FAXC: variants seen among roughly 807,000 people sequenced by gnomAD.
FAXC encodes the protein failed axon connections homolog, metaxin like GST domain containing, also known as failed axon connections homolog.
Under a neutral mutation model 41.9 loss-of-function variants are expected in FAXC, and 10 were observed. The ratio of observed to expected loss-of-function variants is 0.24; its 90% CI spans 0.15 to 0.41. The LOEUF is 0.41. Among genes scored for constraint, FAXC ranks in the 10% least tolerant of loss-of-function variants. The pLI is 1.00. For synonymous variants in FAXC, 183 were observed against 183.8 expected (o/e 1.00, Z 0.03); for missense variants, 399 against 510.9 (o/e 0.78, Z 2.11).
Position 99,349,409 on chromosome 6 carries a change from C to T in FAXC, c.-37G>A, listed in dbSNP as rs370943189. ...GGCTCCGGGCGCCCCTCCCAGGGCC[C>T]GCGCCGCCCGCATGGGAAGGGGCCG... On this transcript the variant is annotated 5_prime_UTR_variant, in exon 1 of 6. Transcript: ENST00000389677. The T allele has an allele frequency of 1.3e-6, 2 of 1,520,748 alleles. No homozygotes were observed. The highest frequency in any genetic ancestry group is 2.0e-5 in the Admixed American group (1 of 48,800). 94.2% of individuals were successfully genotyped at this position (1,520,748 alleles called of 1,614,324 possible).
At chr6:99,338,456 G>T (rs370725947) in intron 2 of FAXC, among the ~76,000 whole-genome samples, 14 of 152,266 alleles carry the variant, frequency 9.2e-5, no homozygotes, top group African/African-American at 3.1e-4. Flanking sequence ...AGGGCAGAAA[G>T]GAAAGTGCAG....
chr6:99,293,029 A>G (rs1032954518), intron 4 of FAXC, among the ~76,000 whole-genome samples: 1 of 151,246 alleles, frequency 6.6e-6, no homozygotes, highest in African/African-American at 2.4e-5. Flanking sequence ...CTGATCTTGA[A>G]CTCCTGACCT....
At chr6:99,337,384 G>C (rs934420305) in intron 2 of FAXC, among the ~76,000 whole-genome samples, 1 of 152,200 alleles carries the variant, frequency 6.6e-6, no homozygotes, top group Middle Eastern at 3.4e-3. Context: ...CACTTAAAAA[G>C]AATTCTTTTG....
intron 5 of FAXC, among the ~76,000 whole-genome samples, chr6:99,290,236 C>T (rs1352808446): frequency 3.3e-5 from 5 of 151,826 alleles, no homozygotes; most frequent in Non-Finnish European, 2.9e-5. Context: ...GGCTACAACC[C>T]CACACCCACC....
intron 4 of FAXC, among the ~76,000 whole-genome samples, chr6:99,300,606 A>G (rs988562827): frequency 2.6e-5 from 4 of 152,342 alleles, no homozygotes; most frequent in East Asian, 3.8e-4. Context: ...TAAAAATTAT[A>G]TGAGTCTCTC....
rs1412599192 is a variant in FAXC, at chr6:99,271,609, C to T, written c.*9555G>A. 3 of 152,152 alleles carry T rather than the reference C, an allele frequency of 2.0e-5. No individual in the cohort carries two copies. Among genetic ancestry groups the T allele is most frequent in the Non-Finnish European group, 4.4e-5 (3 of 68,010 alleles). 9.4% of individuals were successfully genotyped at this position (152,152 alleles called of 1,614,324 possible). A position where few individuals can be genotyped will look rare whatever the true frequency, so the allele number is the denominator to read the frequency against. ...TTTGGGATACTCAACTGGTATAATG[C>T]AAATATTTCAAAATCTGAGAAAAAC... On this transcript the variant is annotated 3_prime_UTR_variant, in exon 6 of 6. Transcript: ENST00000389677.
rs1582595817 is a variant in FAXC at position 99,272,192 on chromosome 6, T to TGTGTGTGTGTGTGTG, written c.*8971_*8972insCACACACACACACAC. On this transcript the variant is annotated 3_prime_UTR_variant, in exon 6 of 6. Coordinates refer to ENST00000389677, the MANE Select transcript of FAXC (RefSeq NM_032511.4). ...TGTGTGTGTGTGTGTGTGTGTGTGT[T>TGTGTGTGTGTGTGTG]TGAGATGGAGTTTTGCTCTTGTTGC... 2 of 95,236 alleles carry TGTGTGTGTGTGTGTG rather than the reference T, an allele frequency of 2.1e-5. No individual in the cohort carries two copies. Among genetic ancestry groups the TGTGTGTGTGTGTGTG allele is most frequent in the African/African-American group, 3.6e-5 (1 of 27,816 alleles). 5.9% of individuals were successfully genotyped at this position (95,236 alleles called of 1,614,324 possible).
intron 3 of FAXC, 86 bp from the exon 4 acceptor site, chr6:99,323,753 T>C: frequency 1.0e-6 from 1 of 1,000,486 alleles, no homozygotes; most frequent in South Asian, 1.5e-5. Context: ...CGTTCAGAAT[T>C]TACTACACTC....
intron 2 of FAXC, among the ~76,000 whole-genome samples, chr6:99,342,315 T>C (rs1449328449): frequency 6.6e-6 from 1 of 151,820 alleles, no homozygotes; most frequent in African/African-American, 2.4e-5. Context: ...CAAGGCTCAG[T>C]AGGCCTGTCC....
chr6:99,343,171 C>A, intron 1 of FAXC, 138 bp from the exon 2 acceptor site: 1 of 694,890 alleles, frequency 1.4e-6, no homozygotes, highest in African/African-American at 1.8e-5. Flanking sequence ...CTTACATCAC[C>A]CAGCACCCAG....
In FAXC at chr6:99,273,877, GTATACATA is replaced by G. The variant is rs1306912087; in HGVS notation, c.*7279_*7286del. ...AAACAGTATATACATATATAGCAGT[GTATACATA>G]TATACATATATATCATAAATAAATA... On this transcript the variant is annotated 3_prime_UTR_variant, in exon 6 of 6. Transcript: ENST00000389677. 2 of 151,980 alleles carry G rather than the reference GTATACATA, an allele frequency of 1.3e-5. No individual in the cohort carries two copies. The highest frequency in any genetic ancestry group is 2.9e-5 in the Non-Finnish European group (2 of 68,010). The allele number at this position is 151,980 out of a possible 1,614,324, so 9.4% of individuals were successfully genotyped here.
intron 4 of FAXC, among the ~76,000 whole-genome samples, chr6:99,313,210 T>C (rs1001653231): frequency 3.3e-5 from 5 of 152,218 alleles, no homozygotes; most frequent in African/African-American, 1.2e-4. Context: ...GAAGGATCGC[T>C]TGAGCCCAGG....
chr6:99,308,684 C>T (rs1261947211), intron 4 of FAXC, among the ~76,000 whole-genome samples: 1 of 149,420 alleles, frequency 6.7e-6, no homozygotes, highest in Non-Finnish European at 1.5e-5. Flanking sequence ...AAACATTATG[C>T]AGCTATTAAA....
intron 4 of FAXC, among the ~76,000 whole-genome samples, chr6:99,299,779 T>C (rs1316143491): frequency 3.3e-5 from 5 of 152,146 alleles, no homozygotes; most frequent in Non-Finnish European, 7.4e-5. Context: ...ACACTCCTGA[T>C]CAGACCCCAC....
chr6:99,319,691 C>G (rs1462308641), intron 4 of FAXC, among the ~76,000 whole-genome samples: 1 of 152,128 alleles, frequency 6.6e-6, no homozygotes, highest in Non-Finnish European at 1.5e-5. Flanking sequence ...CAATGAAGAA[C>G]GAAGGTACAC....
chr6:99,349,832 C>T (rs1250320646), upstream of FAXC, among the ~76,000 whole-genome samples: 1 of 152,006 alleles, frequency 6.6e-6, no homozygotes, highest in Admixed American at 6.5e-5. Context: ...CGCCTCCGGG[C>T]GGCACGCCCA....
intron 2 of FAXC, among the ~76,000 whole-genome samples, chr6:99,340,565 C>T (rs1167417332): frequency 6.6e-6 from 1 of 151,584 alleles, no homozygotes; most frequent in African/African-American, 2.4e-5. Context: ...AAGATAAATC[C>T]TTTATAATAA....
At position 99,274,214 on chromosome 6, in the gene FAXC, G is replaced by C. The variant is rs1237087488; in HGVS notation, c.*6950C>G. 6.6e-6 allele frequency: 1 copy of C among 152,158 alleles called. No individual in the cohort carries two copies. The highest frequency in any genetic ancestry group is 1.5e-5 in the Non-Finnish European group (1 of 68,054). 9.4% of individuals were successfully genotyped at this position (152,158 alleles called of 1,614,324 possible). On this transcript the variant is annotated 3_prime_UTR_variant, in exon 6 of 6. Transcript: ENST00000389677. Reference sequence around the variant, plus strand: ...GCTTCAGAAGGGGAATGGGGGACATGAGCATAGAAATTAAGATAAAGATAA... The same window carrying C: ...GCTTCAGAAGGGGAATGGGGGACATCAGCATAGAAATTAAGATAAAGATAA...
rs1191314186 is a variant in FAXC, at chr6:99,277,805, G to A, written c.*3359C>T. 1 of 152,194 alleles carries A rather than the reference G, an allele frequency of 6.6e-6. No homozygotes were observed. Among genetic ancestry groups the A allele is most frequent in the African/African-American group, 2.4e-5 (1 of 41,426 alleles). 9.4% of individuals were successfully genotyped at this position (152,194 alleles called of 1,614,324 possible). A position where few individuals can be genotyped will look rare whatever the true frequency, so the allele number is the denominator to read the frequency against. ...AAGAAACCATCAAGGGCAACGTGGT[G>A]TAATGGAAAGAACCATATTGACCTC... On this transcript the variant is annotated 3_prime_UTR_variant, in exon 6 of 6. Coordinates refer to ENST00000389677, the MANE Select transcript of FAXC (RefSeq NM_032511.4).
Sources: allele counts gnomAD v4.1 joint callset (sites outside exome capture counted in the v4.1 genomes callset), GRCh38; gene constraint gnomAD v4.1.1; transcripts MANE v1.5; gene names NCBI Gene and HGNC (gene_info 2026-07-23, HGNC 2026-07-21).